Variants in ZC3H12B observed in about 807,000 individuals in gnomAD.
ZC3H12B encodes zinc finger CCCH-type containing 12B.
A neutral mutation model predicts 43.9 loss-of-function variants in ZC3H12B; 7 were observed. That is an observed-to-expected ratio of 0.16 (90% CI 0.09 to 0.30). The LOEUF (loss-of-function observed/expected upper bound fraction) is 0.30. Ranked by LOEUF, ZC3H12B falls within the 10% of genes least tolerant of loss-of-function variation. ZC3H12B has a pLI of 1.00. For missense variants in ZC3H12B, 475 were observed against 670.2 expected (o/e 0.71, Z 3.22); for synonymous variants, 222 against 241.7 (o/e 0.92, Z 0.76).
the ZC3H12B span, among the ~76,000 whole-genome samples, chrX:65,081,246 C>T: frequency 8.1e-5 from 9 of 110,561 alleles, no homozygotes; most frequent in South Asian, 1.5e-3. Context: ...ACAACCGGAA[C>T]GCAAATATCA....
At chrX:65,164,231 G>T in the ZC3H12B span, among the ~76,000 whole-genome samples, 14 of 111,216 alleles carry the variant, frequency 1.3e-4, no homozygotes, top group African/African-American at 4.6e-4. Flanking sequence ...TGGTTGGGTT[G>T]GGAATGAAAT....
At chrX:65,155,724 G>T in the ZC3H12B span, among the ~76,000 whole-genome samples, 1 of 110,897 alleles carries the variant, frequency 9.0e-6, no homozygotes, top group Admixed American at 9.7e-5. Context: ...GCCAGGCGTG[G>T]TGGCAGGTGC....
the ZC3H12B span, among the ~76,000 whole-genome samples, chrX:65,296,171 C>T: frequency 8.9e-6 from 1 of 111,852 alleles, no homozygotes; most frequent in Non-Finnish European, 1.9e-5. Flanking sequence ...TGGAATACTA[C>T]TCAGGCATAA....
chrX:65,361,557 TA>T, the ZC3H12B span, among the ~76,000 whole-genome samples: 1 of 112,058 alleles, frequency 8.9e-6, no homozygotes, highest in East Asian at 2.8e-4. Context: ...CTGTTCCTCT[TA>T]AAAACATTTT....
the ZC3H12B span, among the ~76,000 whole-genome samples, chrX:65,081,515 T>C: frequency 3.6e-5 from 4 of 111,470 alleles, no homozygotes; most frequent in Non-Finnish European, 7.6e-5. Flanking sequence ...GATTTCAAGA[T>C]AAAAACTGTA....
At chrX:65,446,035 A>C (rs1305698285) in intron 3 of ZC3H12B, among the ~76,000 whole-genome samples, 1 of 111,050 alleles carries the variant, frequency 9.0e-6, no homozygotes, top group Admixed American at 9.6e-5. Context: ...ATGTTTATTC[A>C]AGGCCCAAAG....
At chrX:65,106,203 C>T in the ZC3H12B span, among the ~76,000 whole-genome samples, 6 of 111,406 alleles carry the variant, frequency 5.4e-5, no homozygotes, top group Admixed American at 9.6e-5. Context: ...TTGAGGGTTG[C>T]ACAAATGCTA....
the ZC3H12B span, among the ~76,000 whole-genome samples, chrX:65,244,881 T>C: frequency 1.8e-5 from 2 of 111,226 alleles, no homozygotes; most frequent in South Asian, 7.4e-4. Flanking sequence ...GTGCAAACTT[T>C]TCAGTGTTTT....
chrX:65,458,697 C>A (rs2067676672), intron 3 of ZC3H12B, among the ~76,000 whole-genome samples: 1 of 111,835 alleles, frequency 8.9e-6, no homozygotes, highest in Admixed American at 9.6e-5. Flanking sequence ...ATCTCTGGGA[C>A]ACATTCAAAA....
At chrX:65,423,713 T>G (rs2067047214) in intron 3 of ZC3H12B, among the ~76,000 whole-genome samples, 1 of 112,282 alleles carries the variant, frequency 8.9e-6, no homozygotes, top group Non-Finnish European at 1.9e-5. Context: ...GTTTTTTTCT[T>G]GTAAATTTGT....
At chrX:65,434,254 A>G (rs759200989) in intron 3 of ZC3H12B, among the ~76,000 whole-genome samples, 2 of 111,989 alleles carry the variant, frequency 1.8e-5, no homozygotes, top group African/African-American at 6.5e-5. Flanking sequence ...CCCCTCACAA[A>G]TATATTTCTC....
At chrX:65,172,099 T>C in the ZC3H12B span, among the ~76,000 whole-genome samples, 1 of 112,736 alleles carries the variant, frequency 8.9e-6, no homozygotes, top group East Asian at 2.8e-4. Context: ...ACTCGTCTTC[T>C]GTGTCACTGA....
intron 2 of ZC3H12B, among the ~76,000 whole-genome samples, chrX:65,376,239 G>A (rs1452108020): frequency 6.2e-5 from 7 of 112,234 alleles, no homozygotes; most frequent in Non-Finnish European, 9.4e-5. Context: ...ATCTCATTGA[G>A]CACCAACTCA....
At chrX:65,372,531 A>G (rs1158696924) in intron 2 of ZC3H12B, among the ~76,000 whole-genome samples, 2 of 102,960 alleles carry the variant, frequency 1.9e-5, no homozygotes, top group East Asian at 6.2e-4. Flanking sequence ...GAAGGAAGGA[A>G]GGAAGGAAGG....
the ZC3H12B span, among the ~76,000 whole-genome samples, chrX:65,119,627 C>A: frequency 1.8e-5 from 2 of 111,596 alleles, no homozygotes; most frequent in Non-Finnish European, 3.8e-5. Flanking sequence ...GTTTCTTTTG[C>A]AGTGCACAAT....
the ZC3H12B span, among the ~76,000 whole-genome samples, chrX:65,312,516 CA>C: frequency 4.0e-4 from 40 of 100,263 alleles, no homozygotes; most frequent in South Asian, 1.3e-3. Context: ...ATAAAGGAGC[CA>C]AAAAAAAAAA....
chrX:65,057,275 C>T, the ZC3H12B span, among the ~76,000 whole-genome samples: 1 of 111,411 alleles, frequency 9.0e-6, no homozygotes, highest in Non-Finnish European at 1.9e-5. Context: ...TTAGGGCAGG[C>T]CTGGTGGTGA....
the ZC3H12B span, among the ~76,000 whole-genome samples, chrX:65,156,513 T>C: frequency 4.5e-5 from 5 of 111,364 alleles, no homozygotes; most frequent in African/African-American, 1.6e-4. Flanking sequence ...CCAGAGTACC[T>C]GGGATTACAG....
At chrX:65,356,425 A>AC in the ZC3H12B span, among the ~76,000 whole-genome samples, 1 of 111,872 alleles carries the variant, frequency 8.9e-6, no homozygotes, top group South Asian at 3.7e-4. Flanking sequence ...ATATATACAT[A>AC]TAAAAATGCA....
Sources: allele counts gnomAD v4.1 joint callset (sites outside exome capture counted in the v4.1 genomes callset), GRCh38; gene constraint gnomAD v4.1.1; transcripts MANE v1.5; gene names NCBI Gene and HGNC (gene_info 2026-07-23, HGNC 2026-07-21).